CDK14: variants seen among roughly 807,000 people sequenced by gnomAD.
The protein encoded by CDK14 is cyclin dependent kinase 14, also known as cyclin-dependent kinase 14.
CDK14 carries 34 observed loss-of-function variants against 60.7 expected under a neutral mutation model. The observed-to-expected ratio is 0.56, with a 90% CI of 0.43 to 0.75. The LOEUF is 0.75. CDK14 is among the 30% of genes least tolerant of loss of function. The probability of loss-of-function intolerance (pLI) is 0.00; values close to 1 mark genes in which losing one functional copy is unlikely to be tolerated. For missense variants in CDK14, 482 were observed against 564.1 expected, an observed-to-expected ratio of 0.85 and a Z score of 1.47; for synonymous variants, 197 against 203.7, an observed-to-expected ratio of 0.97 and a Z score of 0.28.
At chr7:90,823,733 T>C (rs944267755) in intron 5 of CDK14, among the ~76,000 whole-genome samples, 2 of 152,184 alleles carry the variant, frequency 1.3e-5, no homozygotes, top group African/African-American at 2.4e-5. Context: ...ACATGCCCTC[T>C]CCCTGTGCCA....
At chr7:90,651,126 G>A (rs936502753) in intron 2 of CDK14, among the ~76,000 whole-genome samples, 3 of 152,058 alleles carry the variant, frequency 2.0e-5, no homozygotes, top group South Asian at 2.1e-4. Context: ...GTCCTCTTTT[G>A]TTTCATTGAG....
intron 11 of CDK14, among the ~76,000 whole-genome samples, chr7:91,069,528 A>G (rs923910214): frequency 2.0e-5 from 3 of 152,176 alleles, no homozygotes; most frequent in Non-Finnish European, 4.4e-5. Flanking sequence ...GTGAGACACC[A>G]TCTCTAAAAA....
chr7:91,114,525 C>T (rs897433335), intron 13 of CDK14, among the ~76,000 whole-genome samples: 7 of 152,010 alleles, frequency 4.6e-5, no homozygotes, highest in African/African-American at 1.7e-4. Context: ...TGCATTAATC[C>T]CTTTATCAGC....
At chr7:90,839,619 A>G (rs1476818353) in intron 5 of CDK14, among the ~76,000 whole-genome samples, 1 of 152,234 alleles carries the variant, frequency 6.6e-6, no homozygotes, top group Non-Finnish European at 1.5e-5. Context: ...AAAACAACAT[A>G]TTACATGTAA....
At chr7:91,174,134 A>G (rs1562981444) in intron 14 of CDK14, among the ~76,000 whole-genome samples, 1 of 152,062 alleles carries the variant, frequency 6.6e-6, no homozygotes, top group African/African-American at 2.4e-5. Flanking sequence ...TGCCTCCTCA[A>G]GTGGGTCCCT....
chr7:90,834,451 T>G (rs1790023557), intron 5 of CDK14, among the ~76,000 whole-genome samples: 1 of 152,092 alleles, frequency 6.6e-6, no homozygotes, highest in Admixed American at 6.6e-5. Context: ...AAGTAGGGCC[T>G]TGTGTATGAA....
At chr7:90,942,351 A>G (rs1428163866) in intron 8 of CDK14, among the ~76,000 whole-genome samples, 1 of 152,144 alleles carries the variant, frequency 6.6e-6, no homozygotes, top group Non-Finnish European at 1.5e-5. Flanking sequence ...TTTATACAAG[A>G]CAGAGCTCTG....
chr7:91,156,614 T>C (rs1223672390), intron 14 of CDK14, among the ~76,000 whole-genome samples: 1 of 152,074 alleles, frequency 6.6e-6, no homozygotes, highest in African/African-American at 2.4e-5. Flanking sequence ...CCAAATCCAG[T>C]GGGGAAAAGG....
chr7:90,742,010 T>C (rs1803367602), intron 3 of CDK14, among the ~76,000 whole-genome samples: 1 of 152,048 alleles, frequency 6.6e-6, no homozygotes, highest in Non-Finnish European at 1.5e-5. Flanking sequence ...TTGGCCATGG[T>C]ATATTATTCT....
chr7:91,057,992 T>A (rs1333779226), intron 11 of CDK14, among the ~76,000 whole-genome samples: 2 of 152,146 alleles, frequency 1.3e-5, no homozygotes, highest in East Asian at 3.9e-4. Context: ...TAAATTACCT[T>A]GGGCAGTATG....
chr7:90,775,642 TC>T (rs1170833314), intron 4 of CDK14, among the ~76,000 whole-genome samples: 2 of 29,180 alleles, frequency 6.9e-5, no homozygotes, highest in Admixed American at 3.9e-4. Flanking sequence ...CCCCTTCCCC[TC>T]CCCCTTCCCC....
chr7:91,108,994 T>G (rs1799395883), intron 12 of CDK14, among the ~76,000 whole-genome samples: 1 of 152,342 alleles, frequency 6.6e-6, no homozygotes, highest in East Asian at 1.9e-4. Context: ...TAAATATTTT[T>G]TAAGGTAGAC....
chr7:91,071,825 C>A (rs1798157975), intron 11 of CDK14, among the ~76,000 whole-genome samples: 1 of 152,232 alleles, frequency 6.6e-6, no homozygotes, highest in Non-Finnish European at 1.5e-5. Context: ...TCTTCCCCTG[C>A]TGAAGCCAGG....
chr7:90,866,863 G>A (rs954116331), intron 6 of CDK14, among the ~76,000 whole-genome samples: 1 of 152,162 alleles, frequency 6.6e-6, no homozygotes, highest in Non-Finnish European at 1.5e-5. Context: ...ATAGGATATT[G>A]TTGGTGTAGG....
intron 14 of CDK14, among the ~76,000 whole-genome samples, chr7:91,145,918 C>CTTTATTATTTA (rs571379743): frequency 1.4e-5 from 2 of 147,750 alleles, no homozygotes; most frequent in African/African-American, 5.0e-5. Flanking sequence ...ACCTGGCTTG[C>CTTTATTATTTA]TTTATTTATT....
At chr7:90,687,390 A>G (rs1801459291) in intron 2 of CDK14, among the ~76,000 whole-genome samples, 2 of 152,090 alleles carry the variant, frequency 1.3e-5, no homozygotes, top group Non-Finnish European at 2.9e-5. Flanking sequence ...TTTTGGGTTG[A>G]GGAAGGCTAA....
chr7:91,183,968 G>C (rs1177947868), intron 14 of CDK14, among the ~76,000 whole-genome samples: 1 of 152,162 alleles, frequency 6.6e-6, no homozygotes. Flanking sequence ...GCCAAGGCAG[G>C]AGGATCACTT....
intron 7 of CDK14, among the ~76,000 whole-genome samples, chr7:90,900,787 G>C (rs1392234287): frequency 2.0e-5 from 3 of 152,088 alleles, no homozygotes; most frequent in Admixed American, 6.6e-5. Flanking sequence ...ATAACTGATT[G>C]AATCTTTCCC....
intron 14 of CDK14, among the ~76,000 whole-genome samples, chr7:91,182,671 G>A (rs1802041422): frequency 6.6e-6 from 1 of 152,238 alleles, no homozygotes. Context: ...AAATGGTGAT[G>A]TGCTTCTCTT....
Sources: gnomAD v4.1 joint callset for allele counts (sites outside exome capture counted in the v4.1 genomes callset) on GRCh38, gnomAD v4.1.1 for gene constraint, MANE v1.5 for transcripts, NCBI Gene and HGNC (gene_info 2026-07-23, HGNC 2026-07-21) for gene names.